The following GRM8 variants were observed in gnomAD, a reference collection of about 807,000 sequenced individuals.
GRM8 encodes the protein metabotropic glutamate receptor 8.
GRM8 carries 47 observed loss-of-function variants against 87.2 expected under a neutral mutation model. The observed-to-expected ratio is 0.54, with a 90% CI of 0.43 to 0.69. The LOEUF (loss-of-function observed/expected upper bound fraction) is 0.69. Among genes scored for constraint, GRM8 ranks in the 30% least tolerant of loss-of-function variants. The probability of loss-of-function intolerance (pLI) is 0.00; values close to 1 mark genes in which losing one functional copy is unlikely to be tolerated. For synonymous variants in GRM8, 396 were observed against 404.5 expected, an observed-to-expected ratio of 0.98 and a Z score of 0.25; for missense variants, 1,019 against 1,139.2, an observed-to-expected ratio of 0.89 and a Z score of 1.52.
chr7:126,853,384 T>A (rs1304787473), intron 6 of GRM8, among the ~76,000 whole-genome samples: 3 of 152,174 alleles, frequency 2.0e-5, no homozygotes, highest in African/African-American at 2.4e-5. Context: ...TTGCACTTAC[T>A]TTAAGAGGCT....
At chr7:127,164,753 G>C (rs1419937847) in intron 2 of GRM8, among the ~76,000 whole-genome samples, 2 of 151,888 alleles carry the variant, frequency 1.3e-5, no homozygotes, top group Non-Finnish European at 2.9e-5. Flanking sequence ...TCAAAATTTA[G>C]CTTGTTTCAC....
At chr7:126,725,178 A>C (rs1812824086) in intron 7 of GRM8, among the ~76,000 whole-genome samples, 1 of 152,190 alleles carries the variant, frequency 6.6e-6, no homozygotes. Flanking sequence ...GGGTAGTTTT[A>C]TTATACTTGG....
intron 3 of GRM8, among the ~76,000 whole-genome samples, chr7:126,969,509 C>A (rs1810202814): frequency 6.6e-6 from 1 of 152,198 alleles, no homozygotes; most frequent in African/African-American, 2.4e-5. Context: ...AATAACTCTT[C>A]ATCCATTCAA....
At position 126,639,640 on chromosome 7, in the gene GRM8, G is replaced by A. The variant is rs529287015; in HGVS notation, c.1358-30142C>T. On this transcript the variant is annotated intron_variant, in intron 7 of 10. Coordinates refer to ENST00000339582, the MANE Select transcript of GRM8 (RefSeq NM_000845.3). The stretch of plus-strand genomic sequence containing the variant: ...TTTCTTCCCTGCAAGCCTAGGAAGG[G>A]TATTGTTTCAAAAAGCAAAAAGTGA... 2.6e-5 allele frequency among the ~76,000 whole-genome samples: 4 copies of A among 152,270 alleles called. No homozygotes were observed. In the South Asian group the frequency reaches 8.3e-4, roughly 32 times the overall value.
chr7:127,152,608 A>G (rs891835875), intron 2 of GRM8, among the ~76,000 whole-genome samples: 31 of 152,242 alleles, frequency 2.0e-4, no homozygotes, highest in African/African-American at 6.7e-4. Context: ...CTCCACAGTA[A>G]TCAATAATTG....
intron 2 of GRM8, among the ~76,000 whole-genome samples, chr7:127,223,429 CCACACACACACACGCACACA>C (rs1273424400): frequency 2.9e-5 from 4 of 138,772 alleles, no homozygotes; most frequent in South Asian, 2.3e-4. Flanking sequence ...TCGAAACACA[CCACACACACACACGCACACA>C]CACACACACA....
chr7:126,473,430 G>A (rs1025275586), intron 9 of GRM8, among the ~76,000 whole-genome samples: 9 of 152,214 alleles, frequency 5.9e-5, no homozygotes, highest in East Asian at 5.8e-4. Context: ...TCATTTTGGC[G>A]AATTTCTCCC....
rs1370406388 is a variant in GRM8, at chr7:127,243,032, C to A, written c.173G>T (p.Gly58Val). The A allele has an allele frequency of 6.2e-7, 1 of 1,614,050 alleles. No individual in the cohort carries two copies. The highest frequency in any genetic ancestry group is 2.2e-5 in the East Asian group (1 of 44,876). ...CTCCCCACAAGGCACCCCTCTCTCT[C>A]CCTTTGCGTGGACAGGGAAGAGACC... ...LGGLFPVHAK[G>V]ERGVPCGELK... The change falls in exon 2 of 11, where the codon GGA (glycine) becomes GTA (valine). Residue 58 changes from glycine (G) to valine (V), a missense_variant. Physicochemically the swap from Gly to Val is moderately radical, Grantham distance 109 (BLOSUM62 -3). Coordinates refer to ENST00000339582, the MANE Select transcript of GRM8 (RefSeq NM_000845.3).
chr7:126,884,817 C>T (rs1800340482), intron 6 of GRM8, among the ~76,000 whole-genome samples: 1 of 152,106 alleles, frequency 6.6e-6, no homozygotes, highest in East Asian at 1.9e-4. Context: ...CATCAAACAA[C>T]CCCACAAATA....
chr7:127,076,583 G>A (rs1472515342), intron 3 of GRM8, among the ~76,000 whole-genome samples: 1 of 152,090 alleles, frequency 6.6e-6, no homozygotes, highest in African/African-American at 2.4e-5. Flanking sequence ...TATTCCTTAA[G>A]TTTCCTCCAA....
Position 126,800,832 on chromosome 7 carries a change from T to C in GRM8, c.1157-30767A>G, listed in dbSNP as rs371208311. On this transcript the variant is annotated intron_variant, in intron 6 of 10. Transcript: ENST00000339582. ...AGTCAGAAGCCTTAAAAAGAATGAT[T>C]AATATGTTTAACTGAATAAAAATAT... Among the ~76,000 whole-genome samples, 30 of 152,274 alleles carry C rather than the reference T, an allele frequency of 2.0e-4. No homozygotes were observed. In the East Asian group the frequency reaches 2.5e-3, roughly 13 times the overall value.
intron 7 of GRM8, among the ~76,000 whole-genome samples, chr7:126,760,101 T>A (rs1817439813): frequency 6.6e-6 from 1 of 152,214 alleles, no homozygotes; most frequent in Non-Finnish European, 1.5e-5. Flanking sequence ...TCAAGGCTCA[T>A]TACTGCATCC....
intron 2 of GRM8, among the ~76,000 whole-genome samples, chr7:127,155,976 C>T (rs1792705111): frequency 6.6e-6 from 1 of 152,118 alleles, no homozygotes; most frequent in African/African-American, 2.4e-5. Context: ...TTGAAGGCTG[C>T]CAATGTTTAA....
Position 126,445,300 on chromosome 7 carries a change from C to A in GRM8, c.2677+826G>T, listed in dbSNP as rs894202962. ...AGTAAGGTAAAGGTTGTAATGTTTA[C>A]CATATTCAGCTTCCTGGTATTTTAC... is the stretch of plus-strand genomic sequence containing the variant. On this transcript the variant is annotated intron_variant, in intron 10 of 10. Coordinates refer to ENST00000339582, the MANE Select transcript of GRM8 (RefSeq NM_000845.3). 6.6e-5 allele frequency: 10 copies of A among 152,102 alleles called. No individual in the cohort carries two copies. In the South Asian group the frequency reaches 1.2e-3, roughly 19 times the overall value. The allele number at this position is 152,102 out of a possible 1,614,324, so 9.4% of individuals were successfully genotyped here. A position where few individuals can be genotyped will look rare whatever the true frequency, so the allele number is the denominator to read the frequency against.
At chr7:126,768,202 A>G (rs570599184) in intron 7 of GRM8, among the ~76,000 whole-genome samples, 26 of 151,952 alleles carry the variant, frequency 1.7e-4, no homozygotes, top group Non-Finnish European at 2.8e-4. Context: ...TGCAGATTAC[A>G]TAATTATATT....
intron 2 of GRM8, among the ~76,000 whole-genome samples, chr7:127,199,016 T>G (rs1415607059): frequency 6.6e-6 from 1 of 152,130 alleles, no homozygotes; most frequent in Non-Finnish European, 1.5e-5. Flanking sequence ...TAATTTTGTA[T>G]TTTTAGTAGA....
chr7:126,499,615 G>T (rs1489038599), intron 9 of GRM8, among the ~76,000 whole-genome samples: 1 of 151,856 alleles, frequency 6.6e-6, no homozygotes, highest in Non-Finnish European at 1.5e-5. Flanking sequence ...AAAAAAAAGG[G>T]AATGTCTGTT....
intron 8 of GRM8, among the ~76,000 whole-genome samples, chr7:126,599,691 C>T (rs1039695042): frequency 6.6e-6 from 1 of 152,074 alleles, no homozygotes; most frequent in Admixed American, 6.6e-5. Flanking sequence ...GCCTCCAGAC[C>T]AAGAGAGAAT....
chr7:126,756,797 C>T lies in GRM8; in HGVS notation c.1357+13068G>A, dbSNP rs571646634. 2.6e-5 allele frequency among the ~76,000 whole-genome samples: 4 copies of T among 152,080 alleles called. No homozygotes were observed. The South Asian group carries it at 8.3e-4, about 32-fold the overall frequency. On this transcript the variant is annotated intron_variant, in intron 7 of 10. Transcript: ENST00000339582. Reference sequence around the variant, plus strand: ...GGTGGAGGATAGAGGACTTTTAGGTCAGAGAATGAACCTCAACATAGAACT... The same window carrying T: ...GGTGGAGGATAGAGGACTTTTAGGTTAGAGAATGAACCTCAACATAGAACT...
Sources: gnomAD v4.1 joint callset for allele counts (sites outside exome capture counted in the v4.1 genomes callset) on GRCh38, gnomAD v4.1.1 for gene constraint, MANE v1.5 for transcripts, NCBI Gene and HGNC (gene_info 2026-07-23, HGNC 2026-07-21) for gene names.